The following PRKAR1A variants were observed in gnomAD, a reference collection of about 807,000 sequenced individuals.
PRKAR1A encodes protein kinase cAMP-dependent type I regulatory subunit alpha, also known as cAMP-dependent protein kinase type I-alpha regulatory subunit.
A neutral mutation model predicts 52.0 loss-of-function variants in PRKAR1A; 3 were observed. That is an observed-to-expected ratio of 0.06 (90% CI 0.03 to 0.15). The LOEUF is 0.15. Among genes scored for constraint, PRKAR1A ranks in the 10% least tolerant of loss-of-function variants. PRKAR1A has a pLI of 1.00. For missense variants in PRKAR1A, 240 were observed against 477.4 expected, an observed-to-expected ratio of 0.50 and a Z score of 4.63; for synonymous variants, 188 against 168.4, an observed-to-expected ratio of 1.12 and a Z score of -0.90.
At position 68,530,291 on chromosome 17, in the gene PRKAR1A, C is replaced by T. The variant is rs1483558034; in HGVS notation, c.988C>T (p.Leu330=). 6.2e-7 allele frequency: 1 copy of T among 1,614,010 alleles called. No homozygotes were observed. The highest frequency in any genetic ancestry group is 1.3e-5 in the African/African-American group (1 of 74,898). Residue 330 remains leucine (L), a synonymous_variant, in exon 11 of 11, where the codon CTG becomes TTG. Transcript: ENST00000589228. The part of the protein sequence containing the change: ...PSDYFGEIAL[L]MNRPRAATVV... ...GCTTTCTCCAGGTGAAATTGCACTA[C>T]TGATGAATCGTCCTCGTGCTGCCAC...
chr17:68,439,254 TAAAG>T, the PRKAR1A span, among the ~76,000 whole-genome samples: 2 of 152,132 alleles, frequency 1.3e-5, no homozygotes, highest in African/African-American at 2.4e-5. Context: ...GATAAATGGA[TAAAG>T]AAAATGTGAT....
the PRKAR1A span, among the ~76,000 whole-genome samples, chr17:68,489,288 ATG>A: frequency 3.7e-5 from 1 of 27,352 alleles, no homozygotes; most frequent in Non-Finnish European, 6.4e-5. Flanking sequence ...ATATATATAT[ATG>A]GAAAGTATAT....
the PRKAR1A span, among the ~76,000 whole-genome samples, chr17:68,499,029 A>G: frequency 1.3e-5 from 2 of 152,206 alleles, no homozygotes; most frequent in African/African-American, 4.8e-5. Context: ...AATAGGAACA[A>G]CAATAGTACG....
the PRKAR1A span, among the ~76,000 whole-genome samples, chr17:68,462,357 G>A: frequency 6.6e-6 from 1 of 152,210 alleles, no homozygotes; most frequent in African/African-American, 2.4e-5. Context: ...CCAGTGCAGA[G>A]AGGTTCAATC....
At chr17:68,427,458 G>A in the PRKAR1A span, 1 of 381,928 alleles carries the variant, frequency 2.6e-6, no homozygotes, top group Non-Finnish European at 4.8e-6. Context: ...CTGGGTTCAA[G>A]CGATTCTCCT....
intron 11 of PRKAR1A, among the ~76,000 whole-genome samples, chr17:68,548,995 G>A (rs533384451): frequency 3.9e-4 from 59 of 152,140 alleles, no homozygotes; most frequent in Non-Finnish European, 8.2e-4. Context: ...GCCTCCCAAA[G>A]TGCTGGGATT....
the PRKAR1A span, chr17:68,457,224 C>T: frequency 2.4e-6 from 3 of 1,249,046 alleles, no homozygotes; most frequent in Admixed American, 2.3e-5. Context: ...GAAGCAGACA[C>T]CGGCCCTCCC....
chr17:68,536,879 T>C (rs1471581108), downstream of PRKAR1A: 2 of 454,164 alleles, frequency 4.4e-6, no homozygotes, highest in Non-Finnish European at 8.8e-6. Flanking sequence ...TTTTTGCCAC[T>C]TGTTATAATA....
At chr17:68,457,821 G>GGCGCGTGACGCAAAGGCAGCAGGC in the PRKAR1A span, among the ~76,000 whole-genome samples, 14 of 152,304 alleles carry the variant, frequency 9.2e-5, no homozygotes, top group Middle Eastern at 3.4e-3. Flanking sequence ...ATTGGACAAA[G>GGCGCGTGACGCAAAGGCAGCAGGC]GCGCGTGACG....
the PRKAR1A span, among the ~76,000 whole-genome samples, chr17:68,495,966 C>CCT: frequency 2.9e-3 from 149 of 52,048 alleles, 14 homozygotes; most frequent in Admixed American, 0.033. Context: ...TCTCCTCTCT[C>CCT]CTCTCCTCTC....
the PRKAR1A span, among the ~76,000 whole-genome samples, chr17:68,434,317 C>CCA: frequency 8.5e-5 from 13 of 152,140 alleles, no homozygotes; most frequent in Admixed American, 8.5e-4. Context: ...TGCCGGCCGC[C>CCA]CACACACACA....
the PRKAR1A span, among the ~76,000 whole-genome samples, chr17:68,491,497 G>A: frequency 6.6e-6 from 1 of 152,166 alleles, no homozygotes; most frequent in African/African-American, 2.4e-5. Context: ...TTCCCTCCCT[G>A]CAAGATTTGA....
At chr17:68,523,472 TCTTTAGTTGTTAA>T (rs1265875524) in intron 3 of PRKAR1A, among the ~76,000 whole-genome samples, 1 of 152,236 alleles carries the variant, frequency 6.6e-6, no homozygotes, top group Non-Finnish European at 1.5e-5. Flanking sequence ...TTGATTTGTT[TCTTTAGTTGTTAA>T]CTGGGAACCA....
chr17:68,483,824 G>A, the PRKAR1A span, among the ~76,000 whole-genome samples: 2 of 150,434 alleles, frequency 1.3e-5, no homozygotes, highest in African/African-American at 4.9e-5. Flanking sequence ...TCATGCCATT[G>A]CACTCCAGCC....
chr17:68,540,084 G>A (rs918368799), intron 11 of PRKAR1A: 55 of 817,482 alleles, frequency 6.7e-5, no homozygotes, highest in Admixed American at 6.4e-4. Context: ...GGGTGTGAAC[G>A]AAGCTGGGCC....
At chr17:68,458,489 T>C in the PRKAR1A span, among the ~76,000 whole-genome samples, 1 of 152,292 alleles carries the variant, frequency 6.6e-6, no homozygotes, top group East Asian at 1.9e-4. Context: ...GGGAAGCACC[T>C]TTGATCTGAA....
the PRKAR1A span, chr17:68,420,205 T>C: frequency 6.2e-7 from 1 of 1,613,884 alleles, no homozygotes; most frequent in African/African-American, 1.3e-5. Context: ...CCAGGGCGTG[T>C]GATGGGAGCA....
downstream of PRKAR1A, among the ~76,000 whole-genome samples, chr17:68,533,933 A>G (rs774347229): frequency 6.6e-6 from 1 of 152,078 alleles, no homozygotes; most frequent in Non-Finnish European, 1.5e-5. Context: ...TTTGCCATGT[A>G]GCCTAGGCTG....
the PRKAR1A span, among the ~76,000 whole-genome samples, chr17:68,505,870 C>G: frequency 2.0e-5 from 3 of 152,140 alleles, no homozygotes; most frequent in African/African-American, 7.2e-5. Context: ...AAATGTACCA[C>G]ACGAATGCAA....
Sources: gnomAD v4.1 joint callset for allele counts (sites outside exome capture counted in the v4.1 genomes callset) on GRCh38, gnomAD v4.1.1 for gene constraint, MANE v1.5 for transcripts, NCBI Gene and HGNC (gene_info 2026-07-23, HGNC 2026-07-21) for gene names.